Variants in ZNF662 observed in about 807,000 individuals in gnomAD.
The protein encoded by ZNF662 is zinc finger protein 662.
Under a neutral mutation model 12.4 loss-of-function variants are expected in ZNF662, and 14 were observed. That is an observed-to-expected ratio of 1.13 (90% CI 0.75 to 1.77). The LOEUF is 1.77. ZNF662 is among the 40% of genes most tolerant of loss of function. ZNF662 has a pLI of 0.00. For missense variants in ZNF662, 550 were observed against 515.6 expected (o/e 1.07, Z -0.65); for synonymous variants, 184 against 176.4 (o/e 1.04, Z -0.34).
chr3:42,909,784 C>A (rs539793474), intron 3 of ZNF662, among the ~76,000 whole-genome samples: 1 of 151,926 alleles, frequency 6.6e-6, no homozygotes, highest in East Asian at 1.9e-4. Flanking sequence ...TCCTCACCTC[C>A]CAGATGGCGT....
Position 42,909,600 on chromosome 3 carries a change from C to T in ZNF662, c.151+691C>T, listed in dbSNP as rs573334622. Among the ~76,000 whole-genome samples, 377 of 152,288 alleles carry T rather than the reference C, an allele frequency of 2.5e-3. 4 individuals are homozygous for T. The highest frequency in any genetic ancestry group is 2.5e-3 in the East Asian group (13 of 5,164). ...TGGGTACACCTCCCAGACGGGGTGG[C>T]GGCCTAGCAGAGGGGCTCCTCACTT... On this transcript the variant is annotated intron_variant, in intron 3 of 4. Transcript: ENST00000440367.
rs1371005982 is a variant in ZNF662, at chr3:42,914,647, T to C, written c.574T>C (p.Tyr192His). ...HHKILNEQIF[Y>H]ICEECGKCFD... is the part of the protein sequence containing the mutation. ...CAAAATTCTAAATGAGCAAATATTC[T>C]ATATATGTGAGGAATGCGGCAAGTG... The change falls in exon 5 of 5, where the codon TAT becomes CAT. Residue 192 changes from tyrosine (Y) to histidine (H), a missense_variant. Physicochemically the swap from Tyr to His is moderately conservative, Grantham distance 83. Transcript: ENST00000440367. 1 of 1,614,182 alleles carries C rather than the reference T, an allele frequency of 6.2e-7. No individual in the cohort carries two copies. The highest frequency in any genetic ancestry group is 1.1e-5 in the South Asian group (1 of 91,072).
chr3:42,914,937 C>A lies in ZNF662; in HGVS notation c.864C>A (p.Asn288Lys). 1 of 1,613,750 alleles carries A rather than the reference C, an allele frequency of 6.2e-7. No homozygotes were observed. Among genetic ancestry groups the A allele is most frequent in the East Asian group, 2.2e-5 (1 of 44,816 alleles). Residue 288 changes from asparagine (N) to lysine (K), a missense_variant, in exon 5 of 5, where the codon AAC (asparagine) becomes AAA (lysine). Transcript: ENST00000440367. ...CKECGKGFSQ[N>K]TSLTQHQRIH... ...AATGTGGGAAGGGCTTTAGTCAGAA[C>A]ACAAGCCTTACGCAACATCAACGGA...
chr3:42,908,391 T>A, intron 2 of ZNF662: 1 of 1,317,428 alleles, frequency 7.6e-7, no homozygotes, highest in Non-Finnish European at 9.7e-7. Flanking sequence ...GTGTTGTGGG[T>A]ATAGTGAGAA....
intron 1 of ZNF662, chr3:42,907,563 C>T (rs1056935572): frequency 1.3e-5 from 7 of 530,670 alleles, no homozygotes; most frequent in African/African-American, 6.2e-5. Flanking sequence ...TTAATCCCTC[C>T]GAGTCTCAGT....
At position 42,916,088 on chromosome 3, in the gene ZNF662, G is replaced by A. The variant is rs112202143; in HGVS notation, c.*734G>A. 1 of 152,044 alleles carries A rather than the reference G, an allele frequency of 6.6e-6. No individual in the cohort carries two copies. Among genetic ancestry groups the A allele is most frequent in the Non-Finnish European group, 1.5e-5 (1 of 68,032 alleles). The allele number at this position is 152,044 out of a possible 1,614,324, so 9.4% of individuals were successfully genotyped here. A position where few individuals can be genotyped will look rare whatever the true frequency, so the allele number is the denominator to read the frequency against. On this transcript the variant is annotated 3_prime_UTR_variant, in exon 5 of 5. Coordinates refer to ENST00000440367, the MANE Select transcript of ZNF662 (RefSeq NM_207404.4). ...AAAAAGAATTGAAATAGTTGAAAAG[G>A]GTGTTCAGTGAAAAGTAAATTTCCT...
chr3:42,916,768 T>C lies in ZNF662; in HGVS notation c.*1414T>C, dbSNP rs1389840638. ...AGATTTTTTTTCATAAAAATTTATATAGTTCCAGCCCTCTCATTGCTTCCT... is the reference window on the plus strand; with the variant it reads ...AGATTTTTTTTCATAAAAATTTATACAGTTCCAGCCCTCTCATTGCTTCCT... On this transcript the variant is annotated 3_prime_UTR_variant, in exon 5 of 5. Transcript: ENST00000440367. The C allele has an allele frequency of 2.0e-5, 3 of 152,164 alleles. No homozygotes were observed. Among genetic ancestry groups the C allele is most frequent in the East Asian group, 1.9e-4 (1 of 5,190 alleles). The allele number at this position is 152,164 out of a possible 1,614,324, so 9.4% of individuals were successfully genotyped here.
chr3:42,910,225 G>C (rs1045063453), intron 3 of ZNF662, among the ~76,000 whole-genome samples: 1 of 152,158 alleles, frequency 6.6e-6, no homozygotes, highest in Non-Finnish European at 1.5e-5. Context: ...GGCGGCGCCC[G>C]CCTGCAATCC....
At chr3:42,908,937 C>T (rs2088725363) in intron 3 of ZNF662, 28 bp downstream of exon 3, 1 of 1,524,232 alleles carries the variant, frequency 6.6e-7, no homozygotes, top group Admixed American at 1.7e-5. Flanking sequence ...TGCCGGTCAT[C>T]TGACCAGTTT....
rs927232270 is a variant in ZNF662 at position 42,915,770 on chromosome 3, T to A, written c.*416T>A. The A allele has an allele frequency of 1.8e-5, 3 of 163,720 alleles. No individual in the cohort carries two copies. The highest frequency in any genetic ancestry group is 1.7e-4 in the Admixed American group (3 of 17,724). The allele number at this position is 163,720 out of a possible 1,614,324, so 10.1% of individuals were successfully genotyped here. The stretch of plus-strand genomic sequence containing the variant: ...GAGTTTACTGTTCTTTACTTAATTG[T>A]ACATATTTATGTCTCTGCCCATTTT... On this transcript the variant is annotated 3_prime_UTR_variant, in exon 5 of 5. Coordinates refer to ENST00000440367, the MANE Select transcript of ZNF662 (RefSeq NM_207404.4).
In ZNF662 at chr3:42,908,028, G is replaced by C; in HGVS notation, c.-87G>C. 6.2e-7 allele frequency: 1 copy of C among 1,614,194 alleles called. No individual in the cohort carries two copies. Among genetic ancestry groups the C allele is most frequent in the Non-Finnish European group, 8.5e-7 (1 of 1,180,022 alleles). On this transcript the variant is annotated 5_prime_UTR_variant, in exon 2 of 5. Coordinates refer to ENST00000440367, the MANE Select transcript of ZNF662 (RefSeq NM_207404.4). ...TAAACACATGTTGTTTCAGGAGTCA[G>C]TGACCTTCGAGGATGTGGCCGTCTA...
At chr3:42,909,146 G>T (rs1431955061) in intron 3 of ZNF662, among the ~76,000 whole-genome samples, 1 of 152,126 alleles carries the variant, frequency 6.6e-6, no homozygotes. Context: ...GACAATAGTG[G>T]AGGGAAGGTC....
Position 42,915,565 on chromosome 3 carries a change from T to A in ZNF662, c.*211T>A. 1 of 527,350 alleles carries A rather than the reference T, an allele frequency of 1.9e-6. No individual in the cohort carries two copies. The highest frequency in any genetic ancestry group is 3.3e-6 in the Non-Finnish European group (1 of 304,148). The allele number at this position is 527,350 out of a possible 1,614,324, so 32.7% of individuals were successfully genotyped here. ...GCATCATTTAGTTGGGCAGCTACTC[T>A]GTATCAGGTGCTAACCACTTTACAT... On this transcript the variant is annotated 3_prime_UTR_variant, in exon 5 of 5. Transcript: ENST00000440367.
intron 3 of ZNF662, among the ~76,000 whole-genome samples, chr3:42,910,985 G>A (rs775949284): frequency 1.3e-5 from 2 of 152,214 alleles, no homozygotes; most frequent in Non-Finnish European, 2.9e-5. Flanking sequence ...GTCTCCGTAT[G>A]TGTTGGCTTT....
intron 3 of ZNF662, among the ~76,000 whole-genome samples, chr3:42,912,377 T>C (rs2088809518): frequency 9.9e-6 from 1 of 100,532 alleles, no homozygotes; most frequent in Admixed American, 1.6e-4. Context: ...TATGATATAT[T>C]AAATATATAT....
chr3:42,915,264 C>T lies in ZNF662; in HGVS notation c.1191C>T (p.Phe397=). 2 of 1,613,810 alleles carry T rather than the reference C, an allele frequency of 1.2e-6. No individual in the cohort carries two copies. The highest frequency in any genetic ancestry group is 1.7e-6 in the Non-Finnish European group (2 of 1,179,870). ...PYKCNDCGKA[F]SQNSVLIKHQ... Reference sequence around the variant, plus strand: ...AATGTAATGACTGTGGGAAGGCCTTCAGTCAGAATTCTGTCTTAATTAAGC... The same window carrying T: ...AATGTAATGACTGTGGGAAGGCCTTTAGTCAGAATTCTGTCTTAATTAAGC... Residue 397 remains phenylalanine (F), a synonymous_variant, in exon 5 of 5, where the codon TTC becomes TTT. Transcript: ENST00000440367.
rs985484119 is a variant in ZNF662, at chr3:42,906,264, T to C, written c.-94+96T>C. ...GGGCGCAGGGTAGCCGTGTCAGGCC[T>C]GCCCAGGTGCAGAGCGCTCTTCCGC... On this transcript the variant is annotated intron_variant, in intron 1 of 4. Transcript: ENST00000440367. This position sits in a 1 kb window ranked among gnomAD's most constrained non-coding sequence, Gnocchi z 4.4. The C allele has an allele frequency of 4.8e-5, 61 of 1,275,962 alleles. No homozygotes were observed. Among genetic ancestry groups the C allele is most frequent in the Non-Finnish European group, 5.9e-5 (56 of 941,680 alleles). 79.0% of individuals were successfully genotyped at this position (1,275,962 alleles called of 1,614,324 possible). A position where few individuals can be genotyped will look rare whatever the true frequency, so the allele number is the denominator to read the frequency against.
chr3:42,912,728 T>TATATATAAATATATATATATATTTTTTA (rs2088842868), intron 3 of ZNF662, among the ~76,000 whole-genome samples: 1 of 117,636 alleles, frequency 8.5e-6, no homozygotes, highest in South Asian at 2.3e-4. Context: ...ATATTTTTTA[T>TATATATAAATATATATATATATTTTTTA]ATATATAAAT....
intron 4 of ZNF662, among the ~76,000 whole-genome samples, chr3:42,913,509 A>G (rs896778039): frequency 6.6e-6 from 1 of 152,198 alleles, no homozygotes; most frequent in African/African-American, 2.4e-5. Flanking sequence ...TTAAATTAGG[A>G]TGGGTCTTTT....
Sources: allele counts gnomAD v4.1 joint callset (sites outside exome capture counted in the v4.1 genomes callset), GRCh38; gene constraint gnomAD v4.1.1; non-coding constraint Gnocchi (gnomAD v3.1); transcripts MANE v1.5; gene names NCBI Gene and HGNC (gene_info 2026-07-23, HGNC 2026-07-21).